Variants in EYS observed in about 807,000 individuals in gnomAD.
EYS encodes protein eyes shut homolog.
In EYS, 250 loss-of-function variants were observed where a neutral mutation model predicts 282.1. The observed-to-expected ratio is 0.89, with a 90% CI of 0.80 to 0.98. The LOEUF (loss-of-function observed/expected upper bound fraction) is 0.98, where lower values mean the gene tolerates loss of function less well. Ranked by LOEUF, EYS falls within the 50% of genes least tolerant of loss-of-function variation. The pLI is 0.00. For synonymous variants in EYS, 1,355 were observed against 1,282.9 expected, an observed-to-expected ratio of 1.06 and a Z score of -1.20; for missense variants, 4,016 against 3,709.0, an observed-to-expected ratio of 1.08 and a Z score of -2.15.
chr6:64,740,948 C>T (rs527250356), intron 22 of EYS, among the ~76,000 whole-genome samples: 4 of 152,020 alleles, frequency 2.6e-5, no homozygotes, highest in Admixed American at 6.5e-5. Context: ...CTCCTGACCT[C>T]GTGATCTGCC....
At chr6:65,052,289 T>C (rs1773295637) in intron 13 of EYS, among the ~76,000 whole-genome samples, 1 of 151,604 alleles carries the variant, frequency 6.6e-6, no homozygotes, top group Non-Finnish European at 1.5e-5. Context: ...GCTTAATAAT[T>C]ACTTTTCTTA....
At chr6:65,572,977 T>C (rs1356937071) in intron 2 of EYS, among the ~76,000 whole-genome samples, 1 of 152,170 alleles carries the variant, frequency 6.6e-6, no homozygotes, top group Non-Finnish European at 1.5e-5. Flanking sequence ...TTTACTTCAA[T>C]GGGCTGAGGA....
At chr6:65,015,963 T>C (rs1431261392) in intron 13 of EYS, among the ~76,000 whole-genome samples, 1 of 150,296 alleles carries the variant, frequency 6.7e-6, no homozygotes. Flanking sequence ...GAGAATTTCT[T>C]GAACCCAGGA....
chr6:64,127,193 A>G (rs895711633), intron 31 of EYS, among the ~76,000 whole-genome samples: 1 of 152,200 alleles, frequency 6.6e-6, no homozygotes, highest in Non-Finnish European at 1.5e-5. Flanking sequence ...TCTTGTTTGT[A>G]TCTAGGTTTC....
intron 30 of EYS, among the ~76,000 whole-genome samples, chr6:64,233,335 T>A (rs573384362): frequency 6.6e-6 from 1 of 152,186 alleles, no homozygotes; most frequent in Non-Finnish European, 1.5e-5. Flanking sequence ...TTCAGTTTTA[T>A]TTTTGGAAGT....
chr6:64,425,443 T>C (rs1774372057), intron 28 of EYS, among the ~76,000 whole-genome samples: 1 of 151,648 alleles, frequency 6.6e-6, no homozygotes, highest in African/African-American at 2.4e-5. Context: ...TCACCCAAGG[T>C]CAAGAGTTTG....
At chr6:64,023,853 A>C (rs893734255) in intron 33 of EYS, among the ~76,000 whole-genome samples, 2 of 152,162 alleles carry the variant, frequency 1.3e-5, no homozygotes, top group African/African-American at 4.8e-5. Flanking sequence ...GCGTGGGCTC[A>C]GTGGGCCCCG....
At chr6:65,152,803 A>G (rs953249550) in intron 12 of EYS, among the ~76,000 whole-genome samples, 1 of 151,640 alleles carries the variant, frequency 6.6e-6, no homozygotes, top group African/African-American at 2.4e-5. Context: ...TGTAAAATAA[A>G]AAATGATAAT....
intron 22 of EYS, among the ~76,000 whole-genome samples, chr6:64,711,936 C>G (rs550915507): frequency 1.3e-5 from 2 of 152,218 alleles, no homozygotes; most frequent in South Asian, 4.1e-4. Context: ...TTGGGCACAA[C>G]AGTGTGGAGA....
At chr6:65,288,701 A>C (rs1768438518) in intron 12 of EYS, among the ~76,000 whole-genome samples, 1 of 151,100 alleles carries the variant, frequency 6.6e-6, no homozygotes, top group Non-Finnish European at 1.5e-5. Context: ...AAATAGTACA[A>C]TGTGAGTAAA....
chr6:64,890,329 T>A (rs2150065411), intron 18 of EYS, among the ~76,000 whole-genome samples: 1 of 152,246 alleles, frequency 6.6e-6, no homozygotes, highest in East Asian at 1.9e-4. Flanking sequence ...GTACTTGATG[T>A]CTGTAACCCA....
At chr6:64,463,103 C>T (rs141806219) in intron 26 of EYS, among the ~76,000 whole-genome samples, 8 of 151,998 alleles carry the variant, frequency 5.3e-5, no homozygotes, top group South Asian at 2.1e-4. Flanking sequence ...CCCGCCACCA[C>T]GCCCGGCTAT....
intron 8 of EYS, among the ~76,000 whole-genome samples, chr6:65,374,986 G>T (rs1230507412): frequency 6.6e-6 from 1 of 152,170 alleles, no homozygotes; most frequent in African/African-American, 2.4e-5. Flanking sequence ...CTGCCTGTCA[G>T]CTCTGAAAAG....
At position 65,285,608 on chromosome 6, in the gene EYS, A is replaced by C. The variant is rs559518622; in HGVS notation, c.2023+10255T>G. Among the ~76,000 whole-genome samples, 120 of 152,086 alleles carry C rather than the reference A, an allele frequency of 7.9e-4. 1 individual carries two copies. Among genetic ancestry groups the C allele is most frequent in the African/African-American group, 2.7e-3 (113 of 41,566 alleles). On this transcript the variant is annotated intron_variant, in intron 12 of 42. Coordinates refer to ENST00000503581, the MANE Select transcript of EYS (RefSeq NM_001142800.2). ...GGTACTTTCCTTCAGCAGCTTTTGGAGGCTGTTTATATAATGTAGCTGCAA... is the reference window on the plus strand; with the variant it reads ...GGTACTTTCCTTCAGCAGCTTTTGGCGGCTGTTTATATAATGTAGCTGCAA...
chr6:64,944,631 C>T, intron 15 of EYS, among the ~76,000 whole-genome samples: 1 of 152,008 alleles, frequency 6.6e-6, no homozygotes, highest in East Asian at 1.9e-4. Context: ...TCCCCCAGCC[C>T]AACACCCTTA....
At chr6:64,075,357 G>C (rs1032803422) in intron 32 of EYS, among the ~76,000 whole-genome samples, 1 of 151,922 alleles carries the variant, frequency 6.6e-6, no homozygotes, top group African/African-American at 2.4e-5. Context: ...CATAATTAAT[G>C]ATTACACCCA....
intron 12 of EYS, among the ~76,000 whole-genome samples, chr6:65,068,950 A>G (rs1302023446): frequency 7.2e-6 from 1 of 138,528 alleles, no homozygotes; most frequent in Non-Finnish European, 1.7e-5. Context: ...GCTAAAATAC[A>G]TCATCCTTTC....
chr6:64,484,186 C>T (rs1004806761), intron 26 of EYS, among the ~76,000 whole-genome samples: 4 of 151,506 alleles, frequency 2.6e-5, no homozygotes, highest in African/African-American at 9.7e-5. Flanking sequence ...AAGGGAGTGG[C>T]ATGAAGGCCT....
intron 32 of EYS, among the ~76,000 whole-genome samples, chr6:64,074,372 A>G (rs1401495398): frequency 6.6e-6 from 1 of 151,294 alleles, no homozygotes; most frequent in Non-Finnish European, 1.5e-5. Flanking sequence ...TAAATATCAC[A>G]TGGAGAAACA....
Sources: gnomAD v4.1 joint callset for allele counts (sites outside exome capture counted in the v4.1 genomes callset) on GRCh38, gnomAD v4.1.1 for gene constraint, MANE v1.5 for transcripts, NCBI Gene and HGNC (gene_info 2026-07-23, HGNC 2026-07-21) for gene names.